The following FSTL4 variants were observed in gnomAD, a reference collection of about 807,000 sequenced individuals.
FSTL4 encodes follistatin-related protein 4.
In FSTL4, 28 loss-of-function variants were observed where a neutral mutation model predicts 78.2. That is an observed-to-expected ratio of 0.36 (90% CI 0.27 to 0.49). FSTL4 has a LOEUF of 0.49. FSTL4 is among the 20% of genes least tolerant of loss of function. The probability of loss-of-function intolerance (pLI) is 0.98; values close to 1 mark genes in which losing one functional copy is unlikely to be tolerated. For missense variants in FSTL4, 922 were observed against 1,084.9 expected, an observed-to-expected ratio of 0.85 and a Z score of 2.11; for synonymous variants, 422 against 440.5, an observed-to-expected ratio of 0.96 and a Z score of 0.53.
chr5:133,743,397 C>A, the FSTL4 span, among the ~76,000 whole-genome samples: 1 of 152,190 alleles, frequency 6.6e-6, no homozygotes, highest in Non-Finnish European at 1.5e-5. Context: ...TGGTACGGTA[C>A]CTTTAAATGC....
At chr5:133,830,891 C>T in the FSTL4 span, among the ~76,000 whole-genome samples, 37 of 152,230 alleles carry the variant, frequency 2.4e-4, 1 homozygote, top group Middle Eastern at 6.8e-3. Context: ...CTCTGCTTGG[C>T]CACTCATCAA....
intron 3 of FSTL4, among the ~76,000 whole-genome samples, chr5:133,545,621 A>G (rs1393043631): frequency 6.6e-6 from 1 of 152,224 alleles, no homozygotes; most frequent in Non-Finnish European, 1.5e-5. Context: ...ATGGACTAAG[A>G]GAAAATTGAC....
the FSTL4 span, among the ~76,000 whole-genome samples, chr5:133,750,746 C>T: frequency 1.2e-4 from 19 of 152,126 alleles, no homozygotes; most frequent in Non-Finnish European, 7.4e-5. Flanking sequence ...GATCCACTGC[C>T]GGGCACAGGG....
chr5:133,327,834 T>A (rs1754252617), intron 4 of FSTL4, among the ~76,000 whole-genome samples: 1 of 152,184 alleles, frequency 6.6e-6, no homozygotes, highest in Admixed American at 6.5e-5. Flanking sequence ...GGATCCTACA[T>A]AAGGATTTTG....
At chr5:133,228,076 C>G (rs1309655849) in intron 8 of FSTL4, among the ~76,000 whole-genome samples, 2 of 151,914 alleles carry the variant, frequency 1.3e-5, no homozygotes, top group Non-Finnish European at 2.9e-5. Flanking sequence ...AACATACAAA[C>G]ATTAGCCGGG....
chr5:133,226,172 CT>C (rs1751326280), intron 8 of FSTL4, among the ~76,000 whole-genome samples: 1 of 152,216 alleles, frequency 6.6e-6, no homozygotes, highest in African/African-American at 2.4e-5. Context: ...GATACATTCC[CT>C]TTCTGTTATC....
the FSTL4 span, among the ~76,000 whole-genome samples, chr5:133,681,277 T>C: frequency 1.9e-3 from 286 of 152,250 alleles, no homozygotes; most frequent in African/African-American, 6.4e-3. Context: ...CCCTAAATAA[T>C]GTGAGGCCTG....
the FSTL4 span, among the ~76,000 whole-genome samples, chr5:133,683,297 T>A: frequency 1.3e-5 from 2 of 152,222 alleles, no homozygotes; most frequent in African/African-American, 4.8e-5. Flanking sequence ...CCTCATAGAA[T>A]TAATTGCAGA....
chr5:133,420,907 A>G (rs1203272142), intron 3 of FSTL4, among the ~76,000 whole-genome samples: 1 of 152,240 alleles, frequency 6.6e-6, no homozygotes, highest in Non-Finnish European at 1.5e-5. Context: ...GTGACGGGAC[A>G]GTGGAGAATG....
chr5:133,701,569 G>T, the FSTL4 span, among the ~76,000 whole-genome samples: 1,162 of 151,246 alleles, frequency 7.7e-3, 17 homozygotes, highest in African/African-American at 0.027. Flanking sequence ...GGTGACCATG[G>T]TTGGAGGACA....
intron 3 of FSTL4, among the ~76,000 whole-genome samples, chr5:133,508,717 G>C (rs541432345): frequency 1.1e-3 from 171 of 152,334 alleles, no homozygotes; most frequent in African/African-American, 4.0e-3. Flanking sequence ...GAGGATTTTA[G>C]TATCTGTGGA....
chr5:133,710,868 C>A, the FSTL4 span, among the ~76,000 whole-genome samples: 2 of 152,328 alleles, frequency 1.3e-5, no homozygotes, highest in East Asian at 3.9e-4. Flanking sequence ...TCACACAATA[C>A]CATCACCGTG....
the FSTL4 span, among the ~76,000 whole-genome samples, chr5:133,725,844 T>A: frequency 6.6e-6 from 1 of 152,174 alleles, no homozygotes; most frequent in Non-Finnish European, 1.5e-5. Flanking sequence ...GGGTTTCCAC[T>A]TGTTGAAACT....
the FSTL4 span, among the ~76,000 whole-genome samples, chr5:133,791,664 C>T: frequency 6.6e-6 from 1 of 152,222 alleles, no homozygotes; most frequent in Non-Finnish European, 1.5e-5. Context: ...TACCAAACTG[C>T]CCTCGTCTGT....
chr5:133,230,367 C>A (rs1404775766), intron 8 of FSTL4, among the ~76,000 whole-genome samples: 1 of 152,166 alleles, frequency 6.6e-6, no homozygotes, highest in Non-Finnish European at 1.5e-5. Context: ...GGAAGCTCTC[C>A]CAGACCAATT....
intron 11 of FSTL4, 143 bp downstream of exon 11, chr5:133,224,047 G>A (rs1751246639): frequency 6.7e-6 from 4 of 600,028 alleles, no homozygotes; most frequent in Non-Finnish European, 1.2e-5. Flanking sequence ...CAATGCATAT[G>A]CCACTTGAAT....
intron 6 of FSTL4, among the ~76,000 whole-genome samples, chr5:133,291,612 G>T (rs1363540589): frequency 2.6e-5 from 4 of 152,202 alleles, no homozygotes; most frequent in African/African-American, 9.7e-5. Context: ...GGCCAAAAAG[G>T]TGGAGAGCAA....
chr5:133,788,334 A>C, the FSTL4 span, among the ~76,000 whole-genome samples: 1 of 152,226 alleles, frequency 6.6e-6, no homozygotes, highest in Non-Finnish European at 1.5e-5. Context: ...GAACATGGAC[A>C]CATTGCTCTG....
At chr5:133,658,153 G>C in the FSTL4 span, among the ~76,000 whole-genome samples, 1 of 152,022 alleles carries the variant, frequency 6.6e-6, no homozygotes, top group Non-Finnish European at 1.5e-5. Flanking sequence ...TGTTTTAAAA[G>C]ATAAACTGTT....
Sources: gnomAD v4.1 joint callset for allele counts (sites outside exome capture counted in the v4.1 genomes callset) on GRCh38, gnomAD v4.1.1 for gene constraint, MANE v1.5 for transcripts, NCBI Gene and HGNC (gene_info 2026-07-23, HGNC 2026-07-21) for gene names.